Variants in RALGPS1 observed in about 807,000 individuals in gnomAD.
The protein encoded by RALGPS1 is Ral GEF with PH domain and SH3 binding motif 1, also known as ras-specific guanine nucleotide-releasing factor RalGPS1.
RALGPS1 carries 19 observed loss-of-function variants against 78.8 expected under a neutral mutation model. The ratio of observed to expected loss-of-function variants is 0.24; its 90% CI spans 0.17 to 0.35. The LOEUF is 0.35. RALGPS1 is among the 10% of genes least tolerant of loss of function. RALGPS1 has a pLI of 1.00. For synonymous variants in RALGPS1, 228 were observed against 256.3 expected (o/e 0.89, Z 1.06); for missense variants, 454 against 688.3 (o/e 0.66, Z 3.81).
At chr9:127,020,779 T>G (rs905747762) in intron 4 of RALGPS1, among the ~76,000 whole-genome samples, 4 of 152,198 alleles carry the variant, frequency 2.6e-5, no homozygotes, top group African/African-American at 9.7e-5. Context: ...TGGCTGAGGG[T>G]CCAGGCTCCA....
chr9:126,939,532 A>C (rs1221640035), intron 1 of RALGPS1, among the ~76,000 whole-genome samples: 4 of 152,250 alleles, frequency 2.6e-5, no homozygotes, highest in African/African-American at 9.6e-5. Flanking sequence ...CCTGAGCACC[A>C]GCTGTTGCTA....
chr9:127,194,947 A>G, intron 11 of RALGPS1, 144 bp from the exon 12 acceptor site: 1 of 914,846 alleles, frequency 1.1e-6, no homozygotes, highest in Non-Finnish European at 1.7e-6. Context: ...TACAGAGCTC[A>G]TATGAACCTT....
At chr9:127,116,691 G>C (rs1408202390) in intron 8 of RALGPS1, among the ~76,000 whole-genome samples, 1 of 152,192 alleles carries the variant, frequency 6.6e-6, no homozygotes, top group East Asian at 1.9e-4. Flanking sequence ...TCTGGACCAG[G>C]CTGAGAAGTT....
At chr9:126,965,507 T>C (rs1269538971) in intron 2 of RALGPS1, among the ~76,000 whole-genome samples, 2 of 152,168 alleles carry the variant, frequency 1.3e-5, no homozygotes, top group African/African-American at 4.8e-5. Context: ...TGAAGGTATG[T>C]GTTTTGGGGT....
chr9:127,083,592 T>C (rs2051388876), intron 8 of RALGPS1, among the ~76,000 whole-genome samples: 1 of 152,220 alleles, frequency 6.6e-6, no homozygotes, highest in Admixed American at 6.5e-5. Context: ...TCCCTGCCCA[T>C]GGACTTGGGG....
intron 8 of RALGPS1, among the ~76,000 whole-genome samples, chr9:127,152,639 G>C (rs918229324): frequency 4.6e-5 from 7 of 152,150 alleles, no homozygotes; most frequent in African/African-American, 1.7e-4. Flanking sequence ...TTTCTGTCCT[G>C]TATATCTGCC....
At chr9:127,020,147 A>G (rs2045306929) in intron 4 of RALGPS1, among the ~76,000 whole-genome samples, 1 of 152,084 alleles carries the variant, frequency 6.6e-6, no homozygotes, top group South Asian at 2.1e-4. Context: ...AGAATTATGT[A>G]TTCTTCAAAA....
chr9:126,917,493 G>T (rs1294882083), intron 1 of RALGPS1, among the ~76,000 whole-genome samples: 7 of 152,212 alleles, frequency 4.6e-5, no homozygotes, highest in African/African-American at 1.7e-4. Context: ...TAAGAGCTCA[G>T]ACTTGGAAGT....
intron 3 of RALGPS1, among the ~76,000 whole-genome samples, chr9:126,971,366 A>ATTT (rs3052974): frequency 5.7e-4 from 85 of 148,802 alleles, no homozygotes; most frequent in East Asian, 1.6e-3. Context: ...CTAAAGACAT[A>ATTT]TTTTTTTTTT....
At chr9:127,101,501 A>C (rs892669546) in intron 8 of RALGPS1, among the ~76,000 whole-genome samples, 1 of 151,974 alleles carries the variant, frequency 6.6e-6, no homozygotes, top group African/African-American at 2.4e-5. Context: ...TTGACCCTCC[A>C]TCCTTCACCC....
chr9:127,052,024 A>T (rs1226359417), intron 6 of RALGPS1, among the ~76,000 whole-genome samples: 1 of 152,188 alleles, frequency 6.6e-6, no homozygotes, highest in Admixed American at 6.5e-5. Context: ...GGCAGTTGAT[A>T]TGTACTGTCT....
chr9:126,917,075 G>T (rs766165727), intron 1 of RALGPS1, among the ~76,000 whole-genome samples: 2 of 152,066 alleles, frequency 1.3e-5, no homozygotes, highest in Non-Finnish European at 2.9e-5. Context: ...AGAAGCTGTG[G>T]GACTTTAGGG....
chr9:127,170,878 C>G (rs1017890059), intron 10 of RALGPS1, among the ~76,000 whole-genome samples: 1 of 152,232 alleles, frequency 6.6e-6, no homozygotes, highest in Non-Finnish European at 1.5e-5. Flanking sequence ...ACCCCCGGCC[C>G]TCAGACCATC....
chr9:127,064,188 C>A lies in RALGPS1; in HGVS notation c.484-5042C>A, dbSNP rs576040570. 2.6e-5 allele frequency among the ~76,000 whole-genome samples: 4 copies of A among 152,286 alleles called. No individual in the cohort carries two copies. The South Asian group carries it at 8.3e-4, about 32-fold the overall frequency. Reference sequence around the variant, plus strand: ...GTTCTTTAACCTTACTTTCTTATCTCTTTTCTTGAACAAGAATGGTTTTAG... The same window carrying A: ...GTTCTTTAACCTTACTTTCTTATCTATTTTCTTGAACAAGAATGGTTTTAG... On this transcript the variant is annotated intron_variant, in intron 7 of 18. Transcript: ENST00000259351.
intron 8 of RALGPS1, chr9:127,106,924 C>CT (rs2054274081): frequency 6.6e-6 from 1 of 152,206 alleles, no homozygotes. Context: ...AAAGCACTGA[C>CT]TTGGAGTAGA....
intron 3 of RALGPS1, among the ~76,000 whole-genome samples, chr9:126,968,503 C>G (rs1047465330): frequency 6.6e-6 from 1 of 152,186 alleles, no homozygotes; most frequent in Non-Finnish European, 1.5e-5. Flanking sequence ...TTTTTGAACA[C>G]TGATTATGTC....
chr9:126,946,235 C>T (rs150119626), intron 1 of RALGPS1, among the ~76,000 whole-genome samples: 1 of 152,172 alleles, frequency 6.6e-6, no homozygotes, highest in East Asian at 1.9e-4. Flanking sequence ...GCAAATGTTC[C>T]CTGGATCCTG....
intron 14 of RALGPS1, among the ~76,000 whole-genome samples, chr9:127,209,812 A>T (rs2062140849): frequency 6.6e-6 from 1 of 152,170 alleles, no homozygotes; most frequent in Non-Finnish European, 1.5e-5. Context: ...ACAGGTACTG[A>T]TGTCACAGAG....
chr9:126,930,725 C>T (rs1229303830), intron 1 of RALGPS1, among the ~76,000 whole-genome samples: 2 of 152,214 alleles, frequency 1.3e-5, no homozygotes, highest in Admixed American at 6.5e-5. Flanking sequence ...TCCCAAAGTG[C>T]TGGGATTACA....
Sources: gnomAD v4.1 joint callset for allele counts (sites outside exome capture counted in the v4.1 genomes callset) on GRCh38, gnomAD v4.1.1 for gene constraint, MANE v1.5 for transcripts, NCBI Gene and HGNC (gene_info 2026-07-23, HGNC 2026-07-21) for gene names.